PTPRD: variants seen among roughly 807,000 people sequenced by gnomAD.
PTPRD encodes the protein protein tyrosine phosphatase receptor type D, also known as receptor-type tyrosine-protein phosphatase delta.
Under a neutral mutation model 214.5 loss-of-function variants are expected in PTPRD, and 34 were observed. That is an observed-to-expected ratio of 0.16 (90% CI 0.12 to 0.21). The LOEUF (loss-of-function observed/expected upper bound fraction) is 0.21. Among genes scored for constraint, PTPRD ranks in the 10% least tolerant of loss-of-function variants. PTPRD has a pLI of 1.00. For missense variants in PTPRD, 2,545 were observed against 2,398.7 expected (o/e 1.06, Z -1.27); for synonymous variants, 1,128 against 845.7 (o/e 1.33, Z -5.79).
intron 11 of PTPRD, among the ~76,000 whole-genome samples, chr9:8,877,052 G>A (rs890031210): frequency 7.2e-5 from 11 of 151,840 alleles, no homozygotes; most frequent in Admixed American, 3.9e-4. Context: ...TCAGCCTCCC[G>A]AGTAGCTGGG....
chr9:10,012,616 C>G (rs1035722599), intron 4 of PTPRD, among the ~76,000 whole-genome samples: 4 of 151,880 alleles, frequency 2.6e-5, no homozygotes, highest in African/African-American at 9.7e-5. Context: ...TCAGATTTTA[C>G]TCACTATTTC....
chr9:9,289,799 C>A (rs1043312862), intron 9 of PTPRD, among the ~76,000 whole-genome samples: 1 of 151,714 alleles, frequency 6.6e-6, no homozygotes. Flanking sequence ...TTTACTTCTT[C>A]TTAAAGGCTG....
chr9:8,580,805 G>A (rs1240667346), intron 14 of PTPRD, among the ~76,000 whole-genome samples: 1 of 152,056 alleles, frequency 6.6e-6, no homozygotes, highest in Non-Finnish European at 1.5e-5. Context: ...TATATAAACA[G>A]CAAATAGCAA....
rs570897548 is a variant in PTPRD at position 9,356,943 on chromosome 9, G to A, written c.-203+40506C>T. On this transcript the variant is annotated intron_variant, in intron 9 of 45. Transcript: ENST00000381196. ...TATAGTTAACAAACAGAAAATTAGAGGGAAATACATCTGTAAAATAAGGTC... is the reference window on the plus strand; with the variant it reads ...TATAGTTAACAAACAGAAAATTAGAAGGAAATACATCTGTAAAATAAGGTC... Among the ~76,000 whole-genome samples, 4 of 151,360 alleles carry A rather than the reference G, an allele frequency of 2.6e-5. No homozygotes were observed. The South Asian group carries it at 8.3e-4, about 31-fold the overall frequency.
At chr9:8,452,982 A>G (rs1325009198) in intron 33 of PTPRD, among the ~76,000 whole-genome samples, 1 of 152,190 alleles carries the variant, frequency 6.6e-6, no homozygotes, top group African/African-American at 2.4e-5. Context: ...CAATCAAAAT[A>G]TTTGTTTCTG....
intron 4 of PTPRD, among the ~76,000 whole-genome samples, chr9:9,941,390 T>C (rs2091412284): frequency 6.6e-6 from 1 of 152,196 alleles, no homozygotes; most frequent in South Asian, 2.1e-4. Flanking sequence ...TGGCATGATC[T>C]CAGCTCGCTG....
intron 10 of PTPRD, among the ~76,000 whole-genome samples, chr9:9,078,704 A>G (rs892987412): frequency 2.0e-5 from 3 of 152,032 alleles, no homozygotes; most frequent in Non-Finnish European, 4.4e-5. Flanking sequence ...TGGATGGCAA[A>G]GGCAAAAACT....
At chr9:8,549,641 T>C (rs962226312) in intron 14 of PTPRD, among the ~76,000 whole-genome samples, 4 of 152,090 alleles carry the variant, frequency 2.6e-5, no homozygotes, top group Admixed American at 2.6e-4. Flanking sequence ...AGGAGGGGCA[T>C]ATGAGAAAGT....
At chr9:9,457,728 G>A (rs1425271546) in intron 8 of PTPRD, among the ~76,000 whole-genome samples, 2 of 151,848 alleles carry the variant, frequency 1.3e-5, no homozygotes, top group African/African-American at 4.8e-5. Flanking sequence ...CATACATTCA[G>A]TCATTTTCCA....
chr9:10,016,202 A>G (rs2096708606), intron 4 of PTPRD, among the ~76,000 whole-genome samples: 1 of 152,190 alleles, frequency 6.6e-6, no homozygotes, highest in Non-Finnish European at 1.5e-5. Context: ...TTCGGCAAGT[A>G]TTAGAAAAAT....
At chr9:9,622,555 T>A (rs1419151684) in intron 7 of PTPRD, among the ~76,000 whole-genome samples, 1 of 152,224 alleles carries the variant, frequency 6.6e-6, no homozygotes, top group Admixed American at 6.5e-5. Context: ...GAATTTCTGA[T>A]ACGCTGCATT....
chr9:9,307,494 C>G (rs966618230), intron 9 of PTPRD, among the ~76,000 whole-genome samples: 2 of 152,130 alleles, frequency 1.3e-5, no homozygotes, highest in Admixed American at 6.5e-5. Context: ...TGAAAGTCTT[C>G]TTTAGCTATC....
intron 5 of PTPRD, among the ~76,000 whole-genome samples, chr9:9,847,693 C>G (rs1469085827): frequency 6.6e-6 from 1 of 152,092 alleles, no homozygotes; most frequent in Non-Finnish European, 1.5e-5. Context: ...GTCTTCTTGT[C>G]ATGCTGTTGC....
intron 2 of PTPRD, among the ~76,000 whole-genome samples, chr9:10,406,633 T>C (rs2098364679): frequency 1.3e-5 from 2 of 151,580 alleles, no homozygotes; most frequent in South Asian, 2.1e-4. Context: ...GGTCTGCCCA[T>C]ATACTGTAAC....
chr9:9,155,875 A>C (rs2099880756), intron 10 of PTPRD, among the ~76,000 whole-genome samples: 2 of 152,162 alleles, frequency 1.3e-5, no homozygotes, highest in Admixed American at 1.3e-4. Context: ...ATTTGCTTTA[A>C]GTACAATAAT....
At chr9:9,108,882 G>A (rs532422635) in intron 10 of PTPRD, among the ~76,000 whole-genome samples, 1 of 152,116 alleles carries the variant, frequency 6.6e-6, no homozygotes. Flanking sequence ...GTTACAATTA[G>A]CATGCCTCTG....
intron 9 of PTPRD, among the ~76,000 whole-genome samples, chr9:9,279,659 G>A (rs1217861477): frequency 6.6e-6 from 1 of 150,510 alleles, no homozygotes; most frequent in Non-Finnish European, 1.5e-5. Context: ...TTCAAGAAGA[G>A]AATGTTTAAA....
intron 2 of PTPRD, among the ~76,000 whole-genome samples, chr9:10,534,386 T>A (rs1590238517): frequency 6.6e-6 from 1 of 152,170 alleles, no homozygotes; most frequent in East Asian, 1.9e-4. Context: ...GATAAAATAT[T>A]TTATTTAATT....
At chr9:8,709,451 C>G (rs2098279974) in intron 12 of PTPRD, among the ~76,000 whole-genome samples, 3 of 145,670 alleles carry the variant, frequency 2.1e-5, no homozygotes, top group Admixed American at 1.4e-4. Flanking sequence ...GGAGGCAGAG[C>G]TTGCAGTGAG....
Sources: gnomAD v4.1 joint callset for allele counts (sites outside exome capture counted in the v4.1 genomes callset) on GRCh38, gnomAD v4.1.1 for gene constraint, MANE v1.5 for transcripts, NCBI Gene and HGNC (gene_info 2026-07-23, HGNC 2026-07-21) for gene names.